Variants in RNF38 observed in about 807,000 individuals in gnomAD.
RNF38 encodes E3 ubiquitin-protein ligase RNF38.
Under a neutral mutation model 67.2 loss-of-function variants are expected in RNF38, and 15 were observed. That is an observed-to-expected ratio of 0.22 (90% CI 0.15 to 0.34). The LOEUF (loss-of-function observed/expected upper bound fraction) is 0.34, where lower values mean the gene tolerates loss of function less well. RNF38 is among the 10% of genes least tolerant of loss of function. The probability of loss-of-function intolerance (pLI) is 1.00; values close to 1 mark genes in which losing one functional copy is unlikely to be tolerated. For missense variants in RNF38, 524 were observed against 639.9 expected (o/e 0.82, Z 1.95); for synonymous variants, 220 against 218.8 (o/e 1.01, Z -0.05).
At chr9:36,431,956 A>C (rs765964562) in intron 1 of RNF38, among the ~76,000 whole-genome samples, 3 of 152,120 alleles carry the variant, frequency 2.0e-5, no homozygotes, top group Non-Finnish European at 4.4e-5. Flanking sequence ...CTCTCACCCC[A>C]ATCACTCAGG....
chr9:36,455,396 G>A (rs986614196), intron 1 of RNF38, among the ~76,000 whole-genome samples: 2 of 152,110 alleles, frequency 1.3e-5, no homozygotes, highest in African/African-American at 2.4e-5. Flanking sequence ...TCTCAGTTGA[G>A]AAAGTTTTGT....
chr9:36,378,118 C>A (rs1394280497), intron 2 of RNF38, among the ~76,000 whole-genome samples: 2 of 151,364 alleles, frequency 1.3e-5, no homozygotes, highest in Non-Finnish European at 2.9e-5. Context: ...TACATGAGCA[C>A]CAGAAACAGG....
At chr9:36,395,098 G>A in intron 1 of RNF38, among the ~76,000 whole-genome samples, 1 of 152,090 alleles carries the variant, frequency 6.6e-6, no homozygotes, top group East Asian at 1.9e-4. Context: ...CAAAACTAAA[G>A]TTTACAGAAA....
At chr9:36,392,687 C>T (rs1043368103) in intron 1 of RNF38, among the ~76,000 whole-genome samples, 1 of 152,136 alleles carries the variant, frequency 6.6e-6, no homozygotes, top group African/African-American at 2.4e-5. Context: ...TTCACTCGAG[C>T]CCAGTAGTTT....
Position 36,352,840 on chromosome 9 carries a change from A to G in RNF38, c.1080T>C (p.Pro360=), listed in dbSNP as rs1833798378. The change falls in exon 8 of 12, where the codon CCT becomes CCC. Residue 360 remains proline, a synonymous_variant. Transcript: ENST00000259605. ...HQEVSFGVPY[P]PFMPRRLTGR... is the part of the protein sequence containing the mutation. ...CTGTAAGCCTCCGAGGCATAAATGG[A>G]GGATAAGGCTGCAAGGGGAAAAATG... is the stretch of plus-strand genomic sequence containing the variant. The G allele has an allele frequency of 1.9e-6, 3 of 1,611,982 alleles. No homozygotes were observed. Among genetic ancestry groups the G allele is most frequent in the Admixed American group, 3.3e-5 (2 of 59,996 alleles).
At chr9:36,368,886 CTTTT>C (rs397735166) in intron 4 of RNF38, among the ~76,000 whole-genome samples, 2 of 146,052 alleles carry the variant, frequency 1.4e-5, no homozygotes, top group Admixed American at 1.4e-4. Flanking sequence ...AGACACATGT[CTTTT>C]TTTTTTTGAC....
chr9:36,409,378 A>G (rs906104187), intron 2 of RNF38, among the ~76,000 whole-genome samples: 1 of 152,224 alleles, frequency 6.6e-6, no homozygotes, highest in African/African-American at 2.4e-5. Context: ...GGCGGGCAAC[A>G]GAAGCACAGC....
At chr9:36,445,149 T>C (rs919121540) in intron 1 of RNF38, among the ~76,000 whole-genome samples, 2 of 152,182 alleles carry the variant, frequency 1.3e-5, no homozygotes, top group African/African-American at 4.8e-5. Flanking sequence ...GCTTCCATTC[T>C]AGAATGACAG....
At chr9:36,415,197 G>A (rs747548112) in intron 2 of RNF38, among the ~76,000 whole-genome samples, 1 of 151,990 alleles carries the variant, frequency 6.6e-6, no homozygotes, top group Non-Finnish European at 1.5e-5. Context: ...AGGCTTGATC[G>A]TTTAACATAA....
intron 2 of RNF38, among the ~76,000 whole-genome samples, chr9:36,388,314 T>C (rs1408853184): frequency 6.6e-6 from 1 of 152,144 alleles, no homozygotes; most frequent in Non-Finnish European, 1.5e-5. Flanking sequence ...TTCACAAATA[T>C]TATTTCACAA....
At chr9:36,356,246 A>G (rs1295516428) in intron 6 of RNF38, 57 bp downstream of exon 6, 3 of 1,559,510 alleles carry the variant, frequency 1.9e-6, no homozygotes, top group South Asian at 1.2e-5. Flanking sequence ...AACATTCTGA[A>G]AAAATTAAAA....
chr9:36,464,197 A>T (rs1251439069), intron 1 of RNF38, among the ~76,000 whole-genome samples: 1 of 151,780 alleles, frequency 6.6e-6, no homozygotes, highest in Non-Finnish European at 1.5e-5. Context: ...AACCACACAA[A>T]AAAAATTATC....
chr9:36,405,454 AT>A (rs1235566946), upstream of RNF38, among the ~76,000 whole-genome samples: 3 of 152,056 alleles, frequency 2.0e-5, no homozygotes, highest in African/African-American at 7.2e-5. Flanking sequence ...TTTGTTTAGA[AT>A]TTTTGCTTCT....
At chr9:36,361,826 T>C (rs1263399112) in intron 4 of RNF38, among the ~76,000 whole-genome samples, 1 of 152,146 alleles carries the variant, frequency 6.6e-6, no homozygotes, top group African/African-American at 2.4e-5. Flanking sequence ...ATATAGAGCT[T>C]GTCTACTTTT....
At chr9:36,379,688 T>C (rs1238489129) in intron 2 of RNF38, among the ~76,000 whole-genome samples, 2 of 152,054 alleles carry the variant, frequency 1.3e-5, no homozygotes, top group Non-Finnish European at 2.9e-5. Flanking sequence ...CCAGGAATGG[T>C]AGTATAGGAA....
At chr9:36,340,433 G>A (rs1315073563) in intron 11 of RNF38, among the ~76,000 whole-genome samples, 1 of 152,172 alleles carries the variant, frequency 6.6e-6, no homozygotes, top group Non-Finnish European at 1.5e-5. Flanking sequence ...TTGCCCACAG[G>A]AGCACAGTGG....
At chr9:36,454,380 C>T (rs766925952) in intron 1 of RNF38, among the ~76,000 whole-genome samples, 6 of 151,906 alleles carry the variant, frequency 3.9e-5, no homozygotes, top group Non-Finnish European at 5.9e-5. Context: ...CCGCCCACCT[C>T]GGCCTCCCAA....
intron 1 of RNF38, among the ~76,000 whole-genome samples, chr9:36,433,317 T>C (rs910105407): frequency 2.0e-5 from 3 of 151,840 alleles, no homozygotes; most frequent in African/African-American, 4.8e-5. Flanking sequence ...CTTGAGGTGA[T>C]GGATACCCCC....
chr9:36,425,238 T>TA (rs1420512123), intron 1 of RNF38, among the ~76,000 whole-genome samples: 4 of 152,154 alleles, frequency 2.6e-5, no homozygotes, highest in Admixed American at 1.3e-4. Context: ...TTCTAGCCAA[T>TA]AAAAACACAA....
Sources: allele counts gnomAD v4.1 joint callset (sites outside exome capture counted in the v4.1 genomes callset), GRCh38; gene constraint gnomAD v4.1.1; transcripts MANE v1.5; gene names NCBI Gene and HGNC (gene_info 2026-07-23, HGNC 2026-07-21).